Variants in PAK2 observed in about 807,000 individuals in gnomAD.
The protein encoded by PAK2 is p21 (RAC1) activated kinase 2.
In PAK2, 21 loss-of-function variants were observed where a neutral mutation model predicts 65.9. That is an observed-to-expected ratio of 0.32 (90% CI 0.23 to 0.46). The LOEUF (loss-of-function observed/expected upper bound fraction) is 0.46. Among genes scored for constraint, PAK2 ranks in the 20% least tolerant of loss-of-function variants. The pLI is 1.00. For missense variants in PAK2, 324 were observed against 642.6 expected, an observed-to-expected ratio of 0.50 and a Z score of 5.36; for synonymous variants, 204 against 219.7, an observed-to-expected ratio of 0.93 and a Z score of 0.63.
intron 1 of PAK2, among the ~76,000 whole-genome samples, chr3:196,748,763 A>ATG (rs1232835442): frequency 1.3e-5 from 2 of 152,180 alleles, no homozygotes; most frequent in African/African-American, 2.4e-5. Flanking sequence ...GTAAACATTG[A>ATG]TGTGTGGAGT....
At chr3:196,752,263 G>A (rs1385831699) in intron 1 of PAK2, among the ~76,000 whole-genome samples, 1 of 151,892 alleles carries the variant, frequency 6.6e-6, no homozygotes, top group Non-Finnish European at 1.5e-5. Context: ...ACCTATCAAT[G>A]TTTTCTTTTT....
intron 13 of PAK2, among the ~76,000 whole-genome samples, chr3:196,821,704 T>A (rs1275882443): frequency 6.6e-6 from 1 of 152,058 alleles, no homozygotes; most frequent in East Asian, 1.9e-4. Flanking sequence ...AAATAAATGT[T>A]GGTGAGAAGA....
At position 196,805,396 on chromosome 3, in the gene PAK2, T is replaced by C; in HGVS notation, c.468+13T>C. On this transcript the variant is annotated intron_variant, in intron 5 of 14. Coordinates refer to ENST00000327134, the MANE Select transcript of PAK2 (RefSeq NM_002577.4). Reference sequence around the variant, plus strand: ...TGGAACACCAGCAGTAAGTTAATTATATTATTTCTTGTATCTCTTGTTCTA... The same window carrying C: ...TGGAACACCAGCAGTAAGTTAATTACATTATTTCTTGTATCTCTTGTTCTA... 2.4e-6 allele frequency: 3 copies of C among 1,273,390 alleles called. No homozygotes were observed. Among genetic ancestry groups the C allele is most frequent in the Non-Finnish European group, 3.3e-6 (3 of 911,376 alleles). 78.9% of individuals were successfully genotyped at this position (1,273,390 alleles called of 1,614,324 possible).
chr3:196,776,155 G>A (rs887045146), intron 1 of PAK2, among the ~76,000 whole-genome samples: 5 of 152,132 alleles, frequency 3.3e-5, no homozygotes, highest in Non-Finnish European at 7.3e-5. Flanking sequence ...GTTGACGTAC[G>A]GATTGATGGG....
chr3:196,815,679 C>T (rs774051181), intron 11 of PAK2, among the ~76,000 whole-genome samples: 2 of 151,446 alleles, frequency 1.3e-5, no homozygotes, highest in African/African-American at 2.4e-5. Flanking sequence ...CTCAGCTACT[C>T]GGGAGGCTGA....
chr3:196,812,332 A>G, intron 9 of PAK2, 65 bp downstream of exon 9: 5 of 956,846 alleles, frequency 5.2e-6, no homozygotes, highest in Non-Finnish European at 8.6e-6. Context: ...AACTAGATGA[A>G]GCTGGGAAGA....
intron 2 of PAK2, among the ~76,000 whole-genome samples, chr3:196,787,581 A>G (rs1166881922): frequency 2.5e-5 from 1 of 40,164 alleles, no homozygotes; most frequent in East Asian, 6.7e-4. Flanking sequence ...TCCGTCTCAG[A>G]AAAAAAAAAA....
At chr3:196,817,463 A>C (rs946185182) in intron 11 of PAK2, among the ~76,000 whole-genome samples, 2 of 151,980 alleles carry the variant, frequency 1.3e-5, no homozygotes, top group Admixed American at 6.6e-5. Context: ...CGATTCTGCT[A>C]TCTCAGCCTC....
chr3:196,762,141 C>G (rs1426155867), intron 1 of PAK2, among the ~76,000 whole-genome samples: 1 of 116,564 alleles, frequency 8.6e-6, no homozygotes, highest in Non-Finnish European at 2.0e-5. Context: ...AGACGATGGG[C>G]GCCCGGGCAG....
At chr3:196,748,064 T>C (rs563321161) in intron 1 of PAK2, among the ~76,000 whole-genome samples, 22 of 152,336 alleles carry the variant, frequency 1.4e-4, no homozygotes, top group African/African-American at 4.3e-4. Context: ...AATATACTAT[T>C]CTGTTTTACA....
At chr3:196,782,927 G>T (rs1023740990) in intron 2 of PAK2, 94 bp downstream of exon 2, 4 of 717,540 alleles carry the variant, frequency 5.6e-6, no homozygotes, top group East Asian at 2.7e-5. Flanking sequence ...CATTAAAACA[G>T]ATCATGAAAA....
In PAK2 at chr3:196,791,841, G is replaced by A. The variant is rs537255599; in HGVS notation, c.187+9008G>A. ...CGGGAGGCTGAGGCAGGAGAATGGC[G>A]GGAACCCAGGAGGCGGAGCTTGCAG... On this transcript the variant is annotated intron_variant, in intron 2 of 14. Coordinates refer to ENST00000327134, the MANE Select transcript of PAK2 (RefSeq NM_002577.4). This position sits in a 1 kb window ranked among gnomAD's most constrained non-coding sequence, Gnocchi z 4.0. 2.0e-4 allele frequency among the ~76,000 whole-genome samples: 30 copies of A among 152,114 alleles called. 1 individual carries two copies. Among genetic ancestry groups the A allele is most frequent in the Middle Eastern group, 6.8e-3 (2 of 294 alleles).
At chr3:196,822,126 ATTAGT>A (rs774681940) in intron 13 of PAK2, among the ~76,000 whole-genome samples, 36 of 152,314 alleles carry the variant, frequency 2.4e-4, no homozygotes, top group Non-Finnish European at 4.9e-4. Flanking sequence ...TATAGAGGTG[ATTAGT>A]TTAGACCACT....
At chr3:196,771,408 C>A (rs1714355886) in intron 1 of PAK2, among the ~76,000 whole-genome samples, 1 of 152,050 alleles carries the variant, frequency 6.6e-6, no homozygotes, top group African/African-American at 2.4e-5. Flanking sequence ...ATTCATTAGA[C>A]TTCTACTTAC....
At chr3:196,823,872 G>A (rs1711737533) in intron 13 of PAK2, among the ~76,000 whole-genome samples, 1 of 151,350 alleles carries the variant, frequency 6.6e-6, no homozygotes, top group African/African-American at 2.4e-5. Flanking sequence ...AACTGCTAAT[G>A]CACACATTAC....
intron 1 of PAK2, among the ~76,000 whole-genome samples, chr3:196,776,540 C>A (rs1714541232): frequency 1.3e-5 from 2 of 152,140 alleles, no homozygotes; most frequent in Admixed American, 6.5e-5. Context: ...GGCTTTCAAT[C>A]AAAAATCAGA....
chr3:196,806,734 A>T, intron 6 of PAK2, 48 bp downstream of exon 6: 1 of 1,072,590 alleles, frequency 9.3e-7, no homozygotes, highest in Non-Finnish European at 1.4e-6. Context: ...CGTGTGTTTT[A>T]AAAAATAGCA....
At chr3:196,808,557 C>CAAAAAAAAAAAAAAAAAAAAAAA (rs1208200034) in intron 7 of PAK2, among the ~76,000 whole-genome samples, 2 of 56,570 alleles carry the variant, frequency 3.5e-5, no homozygotes, top group African/African-American at 1.3e-4. Context: ...GACTCCATCT[C>CAAAAAAAAAAAAAAAAAAAAAAA]AAAAAAAAAA....
At chr3:196,753,148 G>A (rs1262427571) in intron 1 of PAK2, among the ~76,000 whole-genome samples, 3 of 151,380 alleles carry the variant, frequency 2.0e-5, no homozygotes, top group Admixed American at 1.3e-4. Context: ...TAGTAGAGAC[G>A]AGGTTTCATC....
Sources: gnomAD v4.1 joint callset for allele counts (sites outside exome capture counted in the v4.1 genomes callset) on GRCh38, gnomAD v4.1.1 for gene constraint, Gnocchi (gnomAD v3.1) non-coding constraint, MANE v1.5 for transcripts, NCBI Gene and HGNC (gene_info 2026-07-23, HGNC 2026-07-21) for gene names.